The following CELF2 variants were observed in gnomAD, a reference collection of about 807,000 sequenced individuals.
The protein encoded by CELF2 is CUGBP Elav-like family member 2, also known as CUG triplet repeat RNA-binding protein 2.
In CELF2, 8 loss-of-function variants were observed where a neutral mutation model predicts 62.6. The observed-to-expected ratio is 0.13, with a 90% CI of 0.07 to 0.23. The LOEUF (loss-of-function observed/expected upper bound fraction) is 0.23. Ranked by LOEUF, CELF2 falls within the 10% of genes least tolerant of loss-of-function variation. CELF2 has a pLI of 1.00. For synonymous variants in CELF2, 258 were observed against 250.0 expected, an observed-to-expected ratio of 1.03 and a Z score of -0.30; for missense variants, 333 against 671.0, an observed-to-expected ratio of 0.50 and a Z score of 5.56.
the CELF2 span, among the ~76,000 whole-genome samples, chr10:10,470,056 G>T: frequency 1.3e-5 from 2 of 151,646 alleles, no homozygotes; most frequent in Non-Finnish European, 2.9e-5. Flanking sequence ...TTAAGATTAG[G>T]GATTCTGAAC....
At chr10:11,225,920 C>G (rs571474773) in intron 3 of CELF2, among the ~76,000 whole-genome samples, 3 of 152,178 alleles carry the variant, frequency 2.0e-5, no homozygotes, top group Non-Finnish European at 4.4e-5. Flanking sequence ...CTGAGGACAT[C>G]TCTGAAGTGC....
rs532948708 is a variant in CELF2 at position 11,146,652 on chromosome 10, G to A, written c.75-18834G>A. ...TGGCCACACGCTCATGTGCTCTGTC[G>A]GTGATTTGTTACTATATACCATTGC... On this transcript the variant is annotated intron_variant, in intron 1 of 12. Transcript: ENST00000633077. Among the ~76,000 whole-genome samples, 5 of 152,226 alleles carry A rather than the reference G, an allele frequency of 3.3e-5. No homozygotes were observed. In the South Asian group the frequency reaches 1.0e-3, roughly 32 times the overall value.
At chr10:10,953,011 A>G (rs914231431) in intron 2 of CELF2, among the ~76,000 whole-genome samples, 1 of 152,240 alleles carries the variant, frequency 6.6e-6, no homozygotes, top group Non-Finnish European at 1.5e-5. Context: ...ATGGAAACAC[A>G]GTCATAAAAA....
intron 2 of CELF2, among the ~76,000 whole-genome samples, chr10:11,188,808 A>G (rs1170544839): frequency 6.6e-6 from 1 of 152,152 alleles, no homozygotes; most frequent in African/African-American, 2.4e-5. Context: ...ACAGCTCACT[A>G]ATGTGTTTTT....
At chr10:11,245,244 C>G (rs185457834) in intron 3 of CELF2, among the ~76,000 whole-genome samples, 1 of 152,130 alleles carries the variant, frequency 6.6e-6, no homozygotes, top group Non-Finnish European at 1.5e-5. Context: ...TTCTGGGAGT[C>G]GGAAGATTTT....
At chr10:11,115,033 AT>A (rs1185399434) in intron 1 of CELF2, among the ~76,000 whole-genome samples, 4 of 152,244 alleles carry the variant, frequency 2.6e-5, no homozygotes, top group African/African-American at 9.6e-5. Flanking sequence ...ATGAATTCAA[AT>A]TGAATTTGAA....
At chr10:11,029,521 A>G (rs913505103) in intron 1 of CELF2, among the ~76,000 whole-genome samples, 1 of 152,180 alleles carries the variant, frequency 6.6e-6, no homozygotes, top group African/African-American at 2.4e-5. Flanking sequence ...AGAGTGTGAT[A>G]TTGACTGTGG....
intron 1 of CELF2, among the ~76,000 whole-genome samples, chr10:10,915,343 T>A (rs925613594): frequency 3.3e-5 from 5 of 152,188 alleles, no homozygotes; most frequent in African/African-American, 1.2e-4. Flanking sequence ...AAGTGTTTGG[T>A]GTGTGCCAGG....
At chr10:10,592,833 G>T in the CELF2 span, among the ~76,000 whole-genome samples, 8 of 152,160 alleles carry the variant, frequency 5.3e-5, no homozygotes, top group Admixed American at 2.0e-4. Flanking sequence ...AAAACCCCCA[G>T]ATCCTAGCAG....
chr10:11,105,668 C>T (rs1418398470), intron 1 of CELF2, among the ~76,000 whole-genome samples: 1 of 152,226 alleles, frequency 6.6e-6, no homozygotes, highest in African/African-American at 2.4e-5. Flanking sequence ...TAAATGTTCT[C>T]CTCATCTTGT....
At chr10:11,009,013 G>GA (rs1477204419) in intron 1 of CELF2, among the ~76,000 whole-genome samples, 1 of 143,476 alleles carries the variant, frequency 7.0e-6, no homozygotes, top group Non-Finnish European at 1.6e-5. Context: ...TGCGGGGGGG[G>GA]GGGGGGAGCA....
the CELF2 span, among the ~76,000 whole-genome samples, chr10:10,744,903 A>C: frequency 6.6e-6 from 1 of 152,026 alleles, no homozygotes. Flanking sequence ...CCAACTCTCC[A>C]TTTTACCAAT....
chr10:11,125,149 C>T (rs1248999315), intron 1 of CELF2, among the ~76,000 whole-genome samples: 5 of 152,156 alleles, frequency 3.3e-5, no homozygotes, highest in Non-Finnish European at 7.4e-5. Context: ...TTAGAAATGG[C>T]CAAGAACTTA....
Position 11,069,669 on chromosome 10 carries a change from A to G in CELF2, c.74+51506A>G, listed in dbSNP as rs74854885. Among the ~76,000 whole-genome samples the G allele has an allele frequency of 7.6e-3, 1,153 of 152,348 alleles. 12 individuals are homozygous for G. Among genetic ancestry groups the G allele is most frequent in the African/African-American group, 0.026 (1,076 of 41,578 alleles). On this transcript the variant is annotated intron_variant, in intron 1 of 12. Transcript: ENST00000633077. ...TGCAGGTGTGTATACAGAGGTGGTT[A>G]GAAGGAATATATGATGTAGAAATGA...
chr10:10,626,599 T>C, the CELF2 span, among the ~76,000 whole-genome samples: 2 of 152,224 alleles, frequency 1.3e-5, no homozygotes, highest in Non-Finnish European at 2.9e-5. Context: ...TTCTAATTTT[T>C]CCCCTCATTT....
At chr10:11,289,011 T>G (rs2092015217) in intron 9 of CELF2, among the ~76,000 whole-genome samples, 1 of 152,246 alleles carries the variant, frequency 6.6e-6, no homozygotes, top group African/African-American at 2.4e-5. Flanking sequence ...CACGGTCCAG[T>G]AAGGAACATG....
At chr10:11,196,034 G>GAA (rs5783195) in intron 2 of CELF2, among the ~76,000 whole-genome samples, 239 of 146,360 alleles carry the variant, frequency 1.6e-3, no homozygotes, top group Middle Eastern at 3.5e-3. Flanking sequence ...AGGCAGGGGA[G>GAA]AAAAAAAAAA....
At chr10:11,044,382 A>G (rs1044062789) in intron 1 of CELF2, among the ~76,000 whole-genome samples, 1 of 152,152 alleles carries the variant, frequency 6.6e-6, no homozygotes, top group African/African-American at 2.4e-5. Flanking sequence ...AGGTTATTTT[A>G]TTCTCCCTTT....
chr10:10,848,432 T>C (rs1249788624), intron 1 of CELF2, among the ~76,000 whole-genome samples: 1 of 152,218 alleles, frequency 6.6e-6, no homozygotes, highest in African/African-American at 2.4e-5. Context: ...ACTTAAAAAC[T>C]TCTAAAGCTT....
Sources: allele counts gnomAD v4.1 joint callset (sites outside exome capture counted in the v4.1 genomes callset), GRCh38; gene constraint gnomAD v4.1.1; transcripts MANE v1.5; gene names NCBI Gene and HGNC (gene_info 2026-07-23, HGNC 2026-07-21).